CEP128: variants seen among roughly 807,000 people sequenced by gnomAD.
The protein encoded by CEP128 is centrosomal protein 128kDa.
CEP128 carries 132 observed loss-of-function variants against 156.7 expected under a neutral mutation model. That is an observed-to-expected ratio of 0.84 (90% CI 0.73 to 0.97). The LOEUF (loss-of-function observed/expected upper bound fraction) is 0.97, where lower values mean the gene tolerates loss of function less well. Ranked by LOEUF, CEP128 falls within the 50% of genes least tolerant of loss-of-function variation. The probability of loss-of-function intolerance (pLI) is 0.00; values close to 1 mark genes in which losing one functional copy is unlikely to be tolerated. For synonymous variants in CEP128, 469 were observed against 448.9 expected (o/e 1.04, Z -0.57); for missense variants, 1,252 against 1,281.9 (o/e 0.98, Z 0.36).
At chr14:80,885,421 A>C (rs983493921) in intron 8 of CEP128, among the ~76,000 whole-genome samples, 2 of 152,210 alleles carry the variant, frequency 1.3e-5, no homozygotes, top group Admixed American at 1.3e-4. Context: ...CGAAGTTTCC[A>C]GAGGAAGAAG....
At chr14:80,533,081 T>A (rs1889304602) in intron 21 of CEP128, among the ~76,000 whole-genome samples, 1 of 152,218 alleles carries the variant, frequency 6.6e-6, no homozygotes, top group Admixed American at 6.5e-5. Context: ...GTAGGAAAGA[T>A]TCATCAAAAT....
At chr14:80,486,072 G>C (rs1050853882), downstream of CEP128, among the ~76,000 whole-genome samples, 1 of 152,128 alleles carries the variant, frequency 6.6e-6, no homozygotes, top group Non-Finnish European at 1.5e-5. Flanking sequence ...TAGCTAGAAG[G>C]GTGGGGAATC....
chr14:80,810,725 T>C (rs1398769535), intron 13 of CEP128, among the ~76,000 whole-genome samples: 2 of 152,188 alleles, frequency 1.3e-5, no homozygotes, highest in Non-Finnish European at 2.9e-5. Flanking sequence ...TAGTTCTCTA[T>C]ACACCTGGTA....
At chr14:80,651,407 T>G (rs1036521472) in intron 19 of CEP128, among the ~76,000 whole-genome samples, 10 of 152,182 alleles carry the variant, frequency 6.6e-5, no homozygotes, top group South Asian at 2.1e-4. Flanking sequence ...TTTCCATGTC[T>G]CTATCTCCTT....
chr14:80,663,660 A>G (rs1895492156), intron 19 of CEP128, among the ~76,000 whole-genome samples: 1 of 152,234 alleles, frequency 6.6e-6, no homozygotes, highest in South Asian at 2.1e-4. Flanking sequence ...AAGATGTTAT[A>G]CATAGACTAT....
intron 17 of CEP128, among the ~76,000 whole-genome samples, chr14:80,758,947 A>T (rs1899817716): frequency 6.6e-6 from 1 of 152,206 alleles, no homozygotes; most frequent in Non-Finnish European, 1.5e-5. Context: ...ATATGAACCT[A>T]TACCTGTCTT....
chr14:80,799,151 G>A (rs1171900594), intron 13 of CEP128, among the ~76,000 whole-genome samples: 1 of 152,168 alleles, frequency 6.6e-6, no homozygotes, highest in Non-Finnish European at 1.5e-5. Context: ...TTAGAAGGGT[G>A]CTTAACCTTC....
intron 9 of CEP128, among the ~76,000 whole-genome samples, chr14:80,860,092 T>C (rs901851624): frequency 9.2e-5 from 14 of 152,304 alleles, no homozygotes; most frequent in East Asian, 7.7e-4. Flanking sequence ...TATCATATGG[T>C]ATAGGAATTT....
At chr14:80,538,236 G>A (rs933374440) in intron 21 of CEP128, among the ~76,000 whole-genome samples, 4 of 151,872 alleles carry the variant, frequency 2.6e-5, no homozygotes, top group African/African-American at 9.7e-5. Flanking sequence ...TCTAAAATTA[G>A]AGTTAATAAA....
intron 19 of CEP128, among the ~76,000 whole-genome samples, chr14:80,686,702 C>A: frequency 6.6e-6 from 1 of 152,156 alleles, no homozygotes; most frequent in African/African-American, 2.4e-5. Context: ...CAAAGACACA[C>A]CTATGCCCAA....
chr14:80,656,502 T>C (rs1895180263), intron 19 of CEP128, among the ~76,000 whole-genome samples: 1 of 151,060 alleles, frequency 6.6e-6, no homozygotes, highest in African/African-American at 2.4e-5. Flanking sequence ...CAATTAGGAC[T>C]GAAAAGATTG....
At chr14:80,952,907 A>G (rs1886495414) in intron 2 of CEP128, among the ~76,000 whole-genome samples, 2 of 152,210 alleles carry the variant, frequency 1.3e-5, no homozygotes, top group Non-Finnish European at 2.9e-5. Context: ...GATGAAATAG[A>G]CAATTCATTA....
chr14:80,834,203 T>C (rs1415208938), intron 12 of CEP128, among the ~76,000 whole-genome samples: 1 of 151,926 alleles, frequency 6.6e-6, no homozygotes, highest in African/African-American at 2.4e-5. Flanking sequence ...GAAGACAAAC[T>C]GTGAACACAG....
chr14:80,821,592 TAC>T (rs1347612289), intron 13 of CEP128, among the ~76,000 whole-genome samples: 1 of 80,022 alleles, frequency 1.2e-5, no homozygotes, highest in Non-Finnish European at 2.5e-5. Flanking sequence ...GTCACACACA[TAC>T]ACACATACAC....
At chr14:80,558,184 T>G (rs1890516839) in intron 21 of CEP128, among the ~76,000 whole-genome samples, 1 of 152,190 alleles carries the variant, frequency 6.6e-6, no homozygotes, top group Admixed American at 6.5e-5. Flanking sequence ...TTTTATATCT[T>G]GAAATTTTTC....
intron 2 of CEP128, among the ~76,000 whole-genome samples, chr14:80,918,884 CTGGT>C (rs753383401): frequency 9.8e-5 from 15 of 152,294 alleles, no homozygotes; most frequent in Non-Finnish European, 2.1e-4. Context: ...AATCAATCCA[CTGGT>C]CCCAGATTAA....
chr14:80,533,684 C>T (rs1889340458), intron 21 of CEP128, among the ~76,000 whole-genome samples: 1 of 152,114 alleles, frequency 6.6e-6, no homozygotes, highest in African/African-American at 2.4e-5. Flanking sequence ...CCCGCTGCCC[C>T]CATCTCCCTT....
At chr14:80,656,309 A>ATATTT in intron 19 of CEP128, among the ~76,000 whole-genome samples, 1 of 14,102 alleles carries the variant, frequency 7.1e-5, no homozygotes, top group African/African-American at 2.9e-4. Context: ...ATATATATAT[A>ATATTT]TATATATATA....
intron 19 of CEP128, among the ~76,000 whole-genome samples, chr14:80,648,880 G>A (rs2140838048): frequency 6.6e-6 from 1 of 152,094 alleles, no homozygotes; most frequent in Non-Finnish European, 1.5e-5. Flanking sequence ...AGCAACTAGG[G>A]AACAATGTTA....
Sources: gnomAD v4.1 joint callset for allele counts (sites outside exome capture counted in the v4.1 genomes callset) on GRCh38, gnomAD v4.1.1 for gene constraint, MANE v1.5 for transcripts, NCBI Gene and HGNC (gene_info 2026-07-23, HGNC 2026-07-21) for gene names.